The following PSMD6 variants were observed in gnomAD, a reference collection of about 807,000 sequenced individuals.
PSMD6 encodes proteasome 26S subunit, non-ATPase 6.
In PSMD6, 7 loss-of-function variants were observed where a neutral mutation model predicts 44.9. The observed-to-expected ratio is 0.16, with a 90% CI of 0.09 to 0.29. PSMD6 has a LOEUF of 0.29. Ranked by LOEUF, PSMD6 falls within the 10% of genes least tolerant of loss-of-function variation. The pLI, the probability that PSMD6 is intolerant of heterozygous loss-of-function variation, is 1.00. For missense variants in PSMD6, 420 were observed against 482.6 expected (o/e 0.87, Z 1.21); for synonymous variants, 184 against 172.7 (o/e 1.07, Z -0.51).
In PSMD6 at chr3:64,010,814, C is replaced by T. The variant is rs373282641; in HGVS notation, c.1074-50G>A. 35 of 1,576,072 alleles carry T rather than the reference C, an allele frequency of 2.2e-5. No individual in the cohort carries two copies. In the East Asian group the frequency reaches 7.1e-4, roughly 32 times the overall value. On this transcript the variant is annotated intron_variant, in intron 7 of 7. Coordinates refer to ENST00000295901, the MANE Select transcript of PSMD6 (RefSeq NM_014814.3). ...GAATTATTTACCAGTCACATTATTC[C>T]ATGACAATAGTTGACCTACTTTTAA...
chr3:64,021,497 A>G (rs2076130636), intron 2 of PSMD6, among the ~76,000 whole-genome samples: 1 of 152,254 alleles, frequency 6.6e-6, no homozygotes, highest in Non-Finnish European at 1.5e-5. Context: ...ATTCTTTTAC[A>G]TATAAAATTT....
Position 64,018,923 on chromosome 3 carries a change from A to G in PSMD6, c.612T>C (p.Thr204=), listed in dbSNP as rs2076089833. ...GTTCATAGGATGTAAATGTTGAAAC[A>G]GTGTCAAGGAAGAGTTCAGCTGCCT... ...FKQAAELFLD[T]VSTFTSYELM... Residue 204 remains threonine (T), a synonymous_variant, in exon 4 of 8, where the codon ACT becomes ACC. Coordinates refer to ENST00000295901, the MANE Select transcript of PSMD6 (RefSeq NM_014814.3). 5 of 1,599,998 alleles carry G rather than the reference A, an allele frequency of 3.1e-6. No individual in the cohort carries two copies. The highest frequency in any genetic ancestry group is 4.3e-6 in the Non-Finnish European group (5 of 1,167,250).
chr3:64,023,308 G>C lies in PSMD6; in HGVS notation c.112C>G (p.Arg38Gly). The change falls in exon 1 of 8, where the codon CGC becomes GGC. Residue 38 changes from arginine (R) to glycine (G), a missense_variant. Physicochemically the swap from Arg to Gly is moderately radical, Grantham distance 125. Around this residue, in one of 4 missense-constraint regions of PSMD6, gnomAD observed 136 missense variants for 124.2 expected, o/e 1.09. Coordinates refer to ENST00000295901, the MANE Select transcript of PSMD6 (RefSeq NM_014814.3). The stretch of plus-strand genomic sequence containing the variant: ...CGGACGGCCGCCATCAGCTCGTCGC[G>C]CACGGCAGCGTCTCCGCGGTGCTCG... ...LPEHRGDAAV[R>G]DELMAAVRDN... The C allele has an allele frequency of 1.3e-6, 2 of 1,587,826 alleles. No individual in the cohort carries two copies. Among genetic ancestry groups the C allele is most frequent in the Non-Finnish European group, 8.6e-7 (1 of 1,168,100 alleles).
Position 64,023,342 on chromosome 3 carries a change from G to A in PSMD6, c.78C>T (p.Leu26=), listed in dbSNP as rs372395224. The change falls in exon 1 of 8, where the codon CTC becomes CTT. Residue 26 remains leucine (L), a synonymous_variant. Transcript: ENST00000295901. ...DLRIAQLRFL[L]SLPEHRGDAA... ...CGTCTCCGCGGTGCTCGGGCAGGCT[G>A]AGCAGGAAGCGCAGCTGCGCGATAC... 41 of 1,609,072 alleles carry A rather than the reference G, an allele frequency of 2.5e-5. No homozygotes were observed. Among genetic ancestry groups the A allele is most frequent in the South Asian group, 5.5e-5 (5 of 90,360 alleles).
In PSMD6 at chr3:64,023,311, C is replaced by T. The variant is rs761967162; in HGVS notation, c.109G>A (p.Val37Met). ...SLPEHRGDAAVRDELMAAVRD... is the reference protein window; with the variant it reads ...SLPEHRGDAAMRDELMAAVRD... ...ACGGCCGCCATCAGCTCGTCGCGCA[C>T]GGCAGCGTCTCCGCGGTGCTCGGGC... The change falls in exon 1 of 8, where the codon GTG (valine) becomes ATG (methionine). Residue 37 changes from valine (V) to methionine (M), a missense_variant. This residue lies in a region of PSMD6 where 136 missense variants were observed against 124.2 expected (regional missense o/e 1.09). Transcript: ENST00000295901. 6.3e-7 allele frequency: 1 copy of T among 1,591,310 alleles called. No homozygotes were observed. Among genetic ancestry groups the T allele is most frequent in the East Asian group, 2.3e-5 (1 of 43,470 alleles).
intron 5 of PSMD6, chr3:64,017,255 A>G (rs2076059219): frequency 6.6e-6 from 1 of 152,194 alleles, no homozygotes; most frequent in Non-Finnish European, 1.5e-5. Context: ...TATATGAAAA[A>G]GCACTGAATT....
chr3:64,010,907 A>C lies in PSMD6; in HGVS notation c.1044T>G (p.Asp348Glu), dbSNP rs1355502916. The change falls in exon 7 of 8, where the codon GAT (aspartate) becomes GAG (glutamate). Residue 348 changes from aspartate to glutamate, a missense_variant. By Grantham distance (45) the Asp-to-Glu change is conservative (BLOSUM62 2). Around this residue, in one of 4 missense-constraint regions of PSMD6, gnomAD observed 63 missense variants for 112.1 expected, o/e 0.56. Coordinates refer to ENST00000295901, the MANE Select transcript of PSMD6 (RefSeq NM_014814.3). ...TGGTTTCTACTATTTCATTCACTTT[A>C]TCTATTTTGCAGTGTAGTCTCCCGG... ...IAAGRLHCKIDKVNEIVETNR... is the reference protein window; with the variant it reads ...IAAGRLHCKIEKVNEIVETNR... 3 of 1,611,098 alleles carry C rather than the reference A, an allele frequency of 1.9e-6. No homozygotes were observed. Among genetic ancestry groups the C allele is most frequent in the Non-Finnish European group, 1.7e-6 (2 of 1,178,156 alleles).
At chr3:64,011,107 C>T in intron 6 of PSMD6, 152 bp from the exon 7 acceptor site, 1 of 599,650 alleles carries the variant, frequency 1.7e-6, no homozygotes, top group South Asian at 2.2e-5. Context: ...GTTGTCCCTC[C>T]TATACTGCAG....
intron 2 of PSMD6, among the ~76,000 whole-genome samples, chr3:64,021,730 G>A (rs2076135898): frequency 1.3e-5 from 2 of 151,210 alleles, no homozygotes; most frequent in Non-Finnish European, 2.9e-5. Flanking sequence ...AGAATCGATT[G>A]AACCCAGCAG....
intron 2 of PSMD6, chr3:64,019,841 CT>C (rs1186198835): frequency 6.3e-6 from 1 of 157,660 alleles, no homozygotes; most frequent in Admixed American, 6.5e-5. Flanking sequence ...TAGAATATGA[CT>C]AAATTTGTAA....
rs149641442 is a variant in PSMD6 at position 64,010,940 on chromosome 3, A to G, written c.1011T>C (p.Phe337=). The change falls in exon 7 of 8, where the codon TTT becomes TTC. Residue 337 remains phenylalanine (F), a synonymous_variant. Transcript: ENST00000295901. ...TGCAGTGTAGTCTCCCGGCAGCAAT[A>G]AACCTGGACAGTTCCCTAATTTAGA... ...VEFIDQELSR[F]IAAGRLHCKI... is the part of the protein sequence containing the mutation. 967 of 1,605,624 alleles carry G rather than the reference A, an allele frequency of 6.0e-4. 1 individual carries two copies. Among genetic ancestry groups the G allele is most frequent in the Non-Finnish European group, 7.4e-4 (870 of 1,175,508 alleles).
At position 64,018,827 on chromosome 3, in the gene PSMD6, G is replaced by C. The variant is rs749757883; in HGVS notation, c.708C>G (p.Leu236=). The C allele has an allele frequency of 6.3e-7, 1 of 1,578,128 alleles. No individual in the cohort carries two copies. The highest frequency in any genetic ancestry group is 1.1e-5 in the South Asian group (1 of 89,884). The change falls in exon 4 of 8, where the codon CTC becomes CTG. Residue 236 remains leucine, a synonymous_variant. Coordinates refer to ENST00000295901, the MANE Select transcript of PSMD6 (RefSeq NM_014814.3). ...VSMIALERPD[L]REKVIKGAEI... is the part of the protein sequence containing the mutation. ...AAAGTTTGGTCATTACCTTTTCCCT[G>C]AGATCTGGTCTTTCTAAGGCAATCA...
intron 5 of PSMD6, chr3:64,015,043 A>C (rs377762630): frequency 1.8e-4 from 27 of 152,164 alleles, no homozygotes; most frequent in African/African-American, 5.6e-4. Context: ...AGATAAAGAT[A>C]AGCAAGGGAA....
chr3:64,022,986 T>A (rs953286118), intron 1 of PSMD6: 23 of 1,427,648 alleles, frequency 1.6e-5, no homozygotes, highest in Non-Finnish European at 2.1e-5. Flanking sequence ...CACGGGGCCT[T>A]TACTCTGTGC....
chr3:64,013,323 T>TCCC (rs2075992092), intron 6 of PSMD6, 116 bp downstream of exon 6: 4 of 1,086,820 alleles, frequency 3.7e-6, no homozygotes, highest in Non-Finnish European at 5.1e-6. Context: ...AAAAAACCTC[T>TCCC]CCCCTCCCCG....
intron 1 of PSMD6, 173 bp from the exon 2 acceptor site, chr3:64,022,696 C>T (rs1347264127): frequency 1.3e-6 from 2 of 1,537,004 alleles, no homozygotes; most frequent in South Asian, 2.4e-5. Context: ...TAAACGTATG[C>T]TGGTGGGAGG....
At chr3:64,011,024 AAAATACTGTC>A (rs1355667129) in intron 6 of PSMD6, 69 bp from the exon 7 acceptor site, 1 of 1,239,586 alleles carries the variant, frequency 8.1e-7, no homozygotes, top group African/African-American at 1.5e-5. Context: ...AAACGGCATT[AAAATACTGTC>A]TTAAATTTGT....
upstream of PSMD6, chr3:64,023,584 C>A (rs2076170259): frequency 7.1e-7 from 1 of 1,412,330 alleles, no homozygotes; most frequent in African/African-American, 1.5e-5. Context: ...AACGCCTCAC[C>A]CGGCCTGGGC....
intron 6 of PSMD6, chr3:64,012,083 T>C (rs1268772164): frequency 6.6e-6 from 1 of 151,120 alleles, no homozygotes; most frequent in Non-Finnish European, 1.5e-5. Context: ...ATTTAAAAAA[T>C]GTGTTGGTGT....
Sources: gnomAD v4.1 joint callset for allele counts (sites outside exome capture counted in the v4.1 genomes callset) on GRCh38, gnomAD v4.1.1 for gene constraint, gnomAD v4.1.1 regional missense constraint, MANE v1.5 for transcripts, NCBI Gene and HGNC (gene_info 2026-07-23, HGNC 2026-07-21) for gene names.